Variants in SDHAF3 observed in about 807,000 individuals in gnomAD.
SDHAF3 encodes the protein succinate dehydrogenase assembly factor 3, mitochondrial.
A neutral mutation model predicts 11.5 loss-of-function variants in SDHAF3; 18 were observed. That is an observed-to-expected ratio of 1.56 (90% CI 1.08 to 2.32). The LOEUF (loss-of-function observed/expected upper bound fraction) is 2.32. Ranked by LOEUF, SDHAF3 falls within the 30% of genes most tolerant of loss-of-function variation. SDHAF3 has a pLI of 0.00. For missense variants in SDHAF3, 200 were observed against 154.4 expected (o/e 1.30, Z -1.57); for synonymous variants, 72 against 59.3 (o/e 1.21, Z -0.99).
chr7:97,153,322 T>A (rs1396916537), intron 1 of SDHAF3, among the ~76,000 whole-genome samples: 1 of 152,222 alleles, frequency 6.6e-6, no homozygotes, highest in Non-Finnish European at 1.5e-5. Context: ...CAAATTGGCT[T>A]CTTGGCTGCT....
At chr7:97,145,009 T>C (rs1789114220) in intron 1 of SDHAF3, among the ~76,000 whole-genome samples, 1 of 152,126 alleles carries the variant, frequency 6.6e-6, no homozygotes, top group South Asian at 2.1e-4. Flanking sequence ...TTTGTAGAGG[T>C]CTTTCAACTC....
At chr7:97,121,046 T>C (rs760475154) in intron 1 of SDHAF3, among the ~76,000 whole-genome samples, 15 of 152,090 alleles carry the variant, frequency 9.9e-5, no homozygotes, top group Non-Finnish European at 1.9e-4. Flanking sequence ...AGAGAAAAAA[T>C]TTAAGTTCAG....
Position 97,117,784 on chromosome 7 carries a change from C to A in SDHAF3, c.61C>A (p.Arg21Ser), listed in dbSNP as rs372839035. The A allele has an allele frequency of 2.4e-5, 39 of 1,614,040 alleles. No homozygotes were observed. The highest frequency in any genetic ancestry group is 3.1e-5 in the Non-Finnish European group (36 of 1,180,030). Residue 21 changes from arginine to serine, a missense_variant, in exon 1 of 2, where the codon CGT becomes AGT. Coordinates refer to ENST00000432641, the MANE Select transcript of SDHAF3 (RefSeq NM_020186.3). ...GTACAAGCGCGTCTTGCAGCTGCACCGTGTTCTGCCCCCGGACCTCAAATC... is the reference window on the plus strand; with the variant it reads ...GTACAAGCGCGTCTTGCAGCTGCACAGTGTTCTGCCCCCGGACCTCAAATC... ...ALYKRVLQLH[R>S]VLPPDLKSLG...
chr7:97,129,057 G>A (rs965614328), intron 1 of SDHAF3, among the ~76,000 whole-genome samples: 11 of 152,100 alleles, frequency 7.2e-5, no homozygotes, highest in African/African-American at 2.2e-4. Context: ...ATAATAAAAA[G>A]CAGTGTACTC....
intron 1 of SDHAF3, chr7:97,135,278 A>C (rs557818108): frequency 6.6e-6 from 1 of 152,302 alleles, no homozygotes; most frequent in African/African-American, 2.4e-5. Flanking sequence ...CTTAGGATAC[A>C]ACTCTAAACA....
At chr7:97,159,668 T>C (rs774480231) in intron 1 of SDHAF3, among the ~76,000 whole-genome samples, 1 of 152,176 alleles carries the variant, frequency 6.6e-6, no homozygotes, top group African/African-American at 2.4e-5. Flanking sequence ...TGAGTATGTC[T>C]ACCAGGAGTG....
chr7:97,177,317 G>A (rs887605794), intron 1 of SDHAF3, among the ~76,000 whole-genome samples: 2 of 151,916 alleles, frequency 1.3e-5, no homozygotes, highest in Admixed American at 6.6e-5. Context: ...CCTAGCTAAC[G>A]CAGTGAAACC....
chr7:97,157,320 C>G (rs577885025), intron 1 of SDHAF3, among the ~76,000 whole-genome samples: 36 of 152,178 alleles, frequency 2.4e-4, no homozygotes, highest in African/African-American at 8.7e-4. Flanking sequence ...CTTCTATTTC[C>G]TGACAAACAA....
At chr7:97,158,420 C>T (rs767894781) in intron 1 of SDHAF3, among the ~76,000 whole-genome samples, 25 of 152,206 alleles carry the variant, frequency 1.6e-4, no homozygotes, top group Non-Finnish European at 2.1e-4. Context: ...CTCTGTCTCC[C>T]GGGTTCAAGC....
chr7:97,167,735 A>C (rs1789531916), intron 1 of SDHAF3, among the ~76,000 whole-genome samples: 1 of 152,128 alleles, frequency 6.6e-6, no homozygotes, highest in African/African-American at 2.4e-5. Context: ...ATCCTCTTGC[A>C]CTGGGTGGGG....
At chr7:97,136,544 A>G in intron 1 of SDHAF3, 2 of 543,562 alleles carry the variant, frequency 3.7e-6, no homozygotes, top group Non-Finnish European at 6.6e-6. Flanking sequence ...TTACAGCCTA[A>G]ATTAAGGGGG....
Position 97,117,867 on chromosome 7 carries a change from C to G in SDHAF3, c.144C>G (p.Asp48Glu), listed in dbSNP as rs756006477. ...EFRRHKTVGS[D>E]EAQRFLQEWE... ...GGAGACATAAGACCGTTGGTTCTGA[C>G]GAGGCACAGCGTTTCTTGCAAGAAT... The change falls in exon 1 of 2, where the codon GAC becomes GAG. Residue 48 changes from aspartate (D) to glutamate (E), a missense_variant. Physicochemically the swap from Asp to Glu is conservative, Grantham distance 45 (BLOSUM62 2). Coordinates refer to ENST00000432641, the MANE Select transcript of SDHAF3 (RefSeq NM_020186.3). 6.2e-7 allele frequency: 1 copy of G among 1,614,080 alleles called. No homozygotes were observed. The highest frequency in any genetic ancestry group is 1.7e-5 in the Admixed American group (1 of 60,004).
chr7:97,153,955 A>G (rs1300986567), intron 1 of SDHAF3, among the ~76,000 whole-genome samples: 1 of 152,242 alleles, frequency 6.6e-6, no homozygotes, highest in African/African-American at 2.4e-5. Flanking sequence ...AGAGACCACC[A>G]AACAGGCTTT....
chr7:97,170,537 T>TGTAA (rs984778983), intron 1 of SDHAF3, among the ~76,000 whole-genome samples: 60 of 152,314 alleles, frequency 3.9e-4, no homozygotes, highest in African/African-American at 1.4e-3. Context: ...ACATTTGATT[T>TGTAA]GTAAGTGTCC....
chr7:97,161,565 T>G (rs1335445178), intron 1 of SDHAF3, among the ~76,000 whole-genome samples: 1 of 152,198 alleles, frequency 6.6e-6, no homozygotes, highest in Non-Finnish European at 1.5e-5. Context: ...GTATTTCTCC[T>G]AATGCTATCC....
intron 1 of SDHAF3, among the ~76,000 whole-genome samples, chr7:97,132,999 G>T (rs537706133): frequency 6.6e-6 from 1 of 152,286 alleles, no homozygotes; most frequent in South Asian, 2.1e-4. Flanking sequence ...GCTGCTAGGG[G>T]AGTGGGGGCT....
intron 1 of SDHAF3, among the ~76,000 whole-genome samples, chr7:97,118,607 C>T (rs1001284025): frequency 3.4e-5 from 5 of 148,320 alleles, no homozygotes; most frequent in Admixed American, 6.7e-5. Flanking sequence ...TCGTGGGGCT[C>T]GGGGCCCTGC....
chr7:97,160,698 G>A (rs1482329673), intron 1 of SDHAF3, among the ~76,000 whole-genome samples: 1 of 152,216 alleles, frequency 6.6e-6, no homozygotes, highest in African/African-American at 2.4e-5. Context: ...TGTGGTGAAA[G>A]GCAGAGGTGG....
At chr7:97,140,778 T>A (rs1395981406) in intron 1 of SDHAF3, among the ~76,000 whole-genome samples, 3 of 152,214 alleles carry the variant, frequency 2.0e-5, no homozygotes, top group Non-Finnish European at 4.4e-5. Context: ...CTGTGATGAT[T>A]GCGTTAACTG....
Sources: gnomAD v4.1 joint callset for allele counts (sites outside exome capture counted in the v4.1 genomes callset) on GRCh38, gnomAD v4.1.1 for gene constraint, MANE v1.5 for transcripts, NCBI Gene and HGNC (gene_info 2026-07-23, HGNC 2026-07-21) for gene names.